Variants in MTA3 observed in about 807,000 individuals in gnomAD.
MTA3 encodes the protein metastasis associated 1 family member 3, also known as metastasis-associated protein MTA3.
Under a neutral mutation model 83.5 loss-of-function variants are expected in MTA3, and 34 were observed. That is an observed-to-expected ratio of 0.41 (90% confidence interval 0.31 to 0.54). The LOEUF (loss-of-function observed/expected upper bound fraction) is 0.54, where lower values mean the gene tolerates loss of function less well. Among genes scored for constraint, MTA3 ranks in the 20% least tolerant of loss-of-function variants. The pLI is 0.33. For missense variants in MTA3, 761 were observed against 726.4 expected (o/e 1.05, Z -0.55); for synonymous variants, 303 against 252.7 (o/e 1.20, Z -1.89).
chr2:42,646,171 G>C (rs1209553556), intron 6 of MTA3, among the ~76,000 whole-genome samples: 1 of 152,160 alleles, frequency 6.6e-6, no homozygotes, highest in African/African-American at 2.4e-5. Context: ...GAGACCTACT[G>C]CTTAGGAAAA....
intron 2 of MTA3, among the ~76,000 whole-genome samples, chr2:42,541,563 G>C (rs887049055): frequency 1.3e-5 from 2 of 152,166 alleles, no homozygotes; most frequent in Non-Finnish European, 2.9e-5. Context: ...TATGTGTTCT[G>C]AGTGTGTTTA....
At chr2:42,738,767 C>A (rs928505615) in intron 16 of MTA3, among the ~76,000 whole-genome samples, 2 of 152,182 alleles carry the variant, frequency 1.3e-5, no homozygotes, top group African/African-American at 4.8e-5. Flanking sequence ...AGAGAATGCG[C>A]ACGTAGGGGT....
At chr2:42,622,076 C>A (rs1573340865) in intron 4 of MTA3, among the ~76,000 whole-genome samples, 1 of 152,122 alleles carries the variant, frequency 6.6e-6, no homozygotes, top group Admixed American at 6.5e-5. Flanking sequence ...GAGGTTGTAG[C>A]GAGCCGAGAT....
intron 2 of MTA3, among the ~76,000 whole-genome samples, chr2:42,535,527 C>G (rs1037844003): frequency 6.6e-6 from 1 of 152,186 alleles, no homozygotes; most frequent in Admixed American, 6.5e-5. Context: ...GCACCCAACT[C>G]CCTTCCTTCC....
chr2:42,715,399 C>T (rs1666951502), intron 14 of MTA3, among the ~76,000 whole-genome samples: 1 of 143,026 alleles, frequency 7.0e-6, no homozygotes, highest in Admixed American at 7.7e-5. Flanking sequence ...ATTCTTGCCA[C>T]CAACTACTTT....
chr2:42,682,233 A>G (rs1692000069), intron 8 of MTA3, among the ~76,000 whole-genome samples, 168 bp from the exon 9 acceptor site: 1 of 152,250 alleles, frequency 6.6e-6, no homozygotes, highest in Non-Finnish European at 1.5e-5. Context: ...TTCTAAAGCA[A>G]TAAATGATAT....
intron 9 of MTA3, among the ~76,000 whole-genome samples, chr2:42,685,971 A>G (rs987745029): frequency 1.3e-5 from 2 of 152,192 alleles, no homozygotes; most frequent in Non-Finnish European, 2.9e-5. Context: ...TTCTTATGAC[A>G]TGAAGTTTTA....
chr2:42,538,831 G>A (rs1384710771), intron 2 of MTA3, among the ~76,000 whole-genome samples: 6 of 144,826 alleles, frequency 4.1e-5, no homozygotes, highest in Admixed American at 7.1e-5. Context: ...GCGGACTGCA[G>A]TGGCGCAATC....
rs993186230 is a variant in MTA3 at position 42,755,017 on chromosome 2, G to C, written c.*1618G>C. 12 of 985,644 alleles carry C rather than the reference G, an allele frequency of 1.2e-5. No individual in the cohort carries two copies. Among genetic ancestry groups the C allele is most frequent in the Non-Finnish European group, 1.1e-5 (9 of 830,138 alleles). The allele number at this position is 985,644 out of a possible 1,614,324, so 61.1% of individuals were successfully genotyped here. ...GCTGTGCTGGGTCTTGGCTTGGGGC[G>C]CTGAGGGTGGGGCCTGTGTCAGAAG... On this transcript the variant is annotated 3_prime_UTR_variant, in exon 17 of 17. Transcript: ENST00000405094.
At position 42,756,567 on chromosome 2, in the gene MTA3, G is replaced by C; in HGVS notation, c.*3168G>C. 1 of 985,872 alleles carries C rather than the reference G, an allele frequency of 1.0e-6. No individual in the cohort carries two copies. Among genetic ancestry groups the C allele is most frequent in the Non-Finnish European group, 1.2e-6 (1 of 830,204 alleles). The allele number at this position is 985,872 out of a possible 1,614,324, so 61.1% of individuals were successfully genotyped here. A position where few individuals can be genotyped will look rare whatever the true frequency, so the allele number is the denominator to read the frequency against. On this transcript the variant is annotated 3_prime_UTR_variant, in exon 17 of 17. Coordinates refer to ENST00000405094, the MANE Select transcript of MTA3 (RefSeq NM_001330442.2). ...GTCCCTGGCGAGGGGAGGTGGAGGAGCTGCCCCGTGGGTGTTTGGAGATTC... is the reference window on the plus strand; with the variant it reads ...GTCCCTGGCGAGGGGAGGTGGAGGACCTGCCCCGTGGGTGTTTGGAGATTC...
intron 2 of MTA3, among the ~76,000 whole-genome samples, chr2:42,575,299 C>G (rs918133342): frequency 4.6e-5 from 7 of 152,166 alleles, no homozygotes; most frequent in African/African-American, 1.7e-4. Context: ...CATTACCTGT[C>G]TTCCTAGAGT....
At chr2:42,686,687 C>T (rs893337106) in intron 9 of MTA3, among the ~76,000 whole-genome samples, 6 of 151,996 alleles carry the variant, frequency 3.9e-5, no homozygotes, top group African/African-American at 1.5e-4. Context: ...ATTAGCTGGG[C>T]ATGCTAGTGC....
In MTA3 at chr2:42,611,158, T is replaced by C. The variant is rs185339081; in HGVS notation, c.317+1574T>C. On this transcript the variant is annotated intron_variant, in intron 4 of 16. Coordinates refer to ENST00000405094, the MANE Select transcript of MTA3 (RefSeq NM_001330442.2). The stretch of plus-strand genomic sequence containing the variant: ...CACCATGCCCAGCTAATTTTTTGTA[T>C]TTTTTTAGTAGAGACAGGGTTTCGC... 1.9e-3 allele frequency among the ~76,000 whole-genome samples: 286 copies of C among 151,424 alleles called. 2 individuals are homozygous for C. Among genetic ancestry groups the C allele is most frequent in the African/African-American group, 6.1e-3 (251 of 41,326 alleles).
At chr2:42,520,676 C>T (rs767442383) in intron 2 of MTA3, among the ~76,000 whole-genome samples, 2 of 151,964 alleles carry the variant, frequency 1.3e-5, no homozygotes, top group African/African-American at 2.4e-5. Flanking sequence ...GGTGATCCTC[C>T]CACCTCAACG....
At chr2:42,655,884 C>T (rs934968894) in intron 6 of MTA3, among the ~76,000 whole-genome samples, 2 of 152,132 alleles carry the variant, frequency 1.3e-5, no homozygotes, top group Non-Finnish European at 2.9e-5. Context: ...ATTACAGGTG[C>T]AGGCCACCGC....
At chr2:42,583,748 C>T (rs1480416338) in intron 3 of MTA3, among the ~76,000 whole-genome samples, 1 of 151,678 alleles carries the variant, frequency 6.6e-6, no homozygotes, top group African/African-American at 2.4e-5. Flanking sequence ...AGGCTGGTCT[C>T]CAACTCCTGG....
chr2:42,689,991 C>G (rs957253581), intron 9 of MTA3, among the ~76,000 whole-genome samples: 1 of 151,244 alleles, frequency 6.6e-6, no homozygotes, highest in Non-Finnish European at 1.5e-5. Context: ...TTGATTGAAG[C>G]TTAGGGCTAC....
chr2:42,658,246 G>T (rs761472951), intron 7 of MTA3, among the ~76,000 whole-genome samples: 68 of 152,196 alleles, frequency 4.5e-4, no homozygotes, highest in African/African-American at 7.5e-4. Flanking sequence ...GTGTAAATTG[G>T]TACAGCTCCT....
At chr2:42,565,492 A>G (rs1360298259), upstream of MTA3, among the ~76,000 whole-genome samples, 1 of 151,640 alleles carries the variant, frequency 6.6e-6, no homozygotes, top group African/African-American at 2.4e-5. Flanking sequence ...TGCTGCATCC[A>G]CTTCTCTTCA....
Sources: gnomAD v4.1 joint callset for allele counts (sites outside exome capture counted in the v4.1 genomes callset) on GRCh38, gnomAD v4.1.1 for gene constraint, MANE v1.5 for transcripts, NCBI Gene and HGNC (gene_info 2026-07-23, HGNC 2026-07-21) for gene names.